Variants in ADGRB3 observed in about 807,000 individuals in gnomAD.
ADGRB3 encodes the protein brain-specific angiogenesis inhibitor 3.
A neutral mutation model predicts 193.4 loss-of-function variants in ADGRB3; 37 were observed. That is an observed-to-expected ratio of 0.19 (90% CI 0.15 to 0.25). ADGRB3 has a LOEUF of 0.25. ADGRB3 is among the 10% of genes least tolerant of loss of function. The pLI is 1.00. For synonymous variants in ADGRB3, 690 were observed against 644.2 expected (o/e 1.07, Z -1.08); for missense variants, 1,637 against 1,852.9 (o/e 0.88, Z 2.14).
intron 3 of ADGRB3, among the ~76,000 whole-genome samples, chr6:68,736,546 G>T (rs1765877184): frequency 6.6e-6 from 1 of 152,036 alleles, no homozygotes; most frequent in Non-Finnish European, 1.5e-5. Context: ...TTGAGAAAAA[G>T]ATCTCTGGAT....
intron 8 of ADGRB3, among the ~76,000 whole-genome samples, chr6:68,958,869 T>TA (rs780261172): frequency 0.13 from 11,175 of 86,826 alleles, 445 homozygotes; most frequent in Middle Eastern, 0.19. Context: ...CAAAGAAAAA[T>TA]AGTGTGTGTG....
intron 20 of ADGRB3, among the ~76,000 whole-genome samples, chr6:69,297,410 C>CTCTCTCTATA (rs1554192101): frequency 5.5e-5 from 7 of 128,306 alleles, no homozygotes; most frequent in African/African-American, 1.8e-4. Context: ...CTCTCTCTCT[C>CTCTCTCTATA]TATATATATA....
At chr6:68,940,088 T>A (rs181584531) in intron 5 of ADGRB3, among the ~76,000 whole-genome samples, 84 of 152,324 alleles carry the variant, frequency 5.5e-4, no homozygotes, top group Admixed American at 4.0e-3. Context: ...TCAATATGGA[T>A]CCTAAGGTAT....
intron 24 of ADGRB3, among the ~76,000 whole-genome samples, chr6:69,336,678 T>A (rs1768856488): frequency 6.6e-6 from 1 of 152,064 alleles, no homozygotes; most frequent in Non-Finnish European, 1.5e-5. Context: ...GGTATATTGG[T>A]TAAATTTAGA....
In ADGRB3 at chr6:69,351,693, T is replaced by C. The variant is rs536856130; in HGVS notation, c.3460-2540T>C. 1.2e-3 allele frequency among the ~76,000 whole-genome samples: 181 copies of C among 152,338 alleles called. 1 individual carries two copies. Among genetic ancestry groups the C allele is most frequent in the African/African-American group, 3.8e-3 (157 of 41,584 alleles). ...CATTTGGGAGTTTGGTAGTGAAAGG[T>C]ATTGATTTTATATGTGTGTGTGTTC... On this transcript the variant is annotated intron_variant, in intron 26 of 31. Coordinates refer to ENST00000370598, the MANE Select transcript of ADGRB3 (RefSeq NM_001704.3).
chr6:68,675,190 A>T (rs1207642538), intron 3 of ADGRB3, among the ~76,000 whole-genome samples: 1 of 152,162 alleles, frequency 6.6e-6, no homozygotes, highest in Admixed American at 6.5e-5. Context: ...TGGAAGTAAG[A>T]TATCCTCCAT....
At chr6:69,144,915 C>CTTTCTTT (rs1774442763) in intron 17 of ADGRB3, among the ~76,000 whole-genome samples, 1 of 148,256 alleles carries the variant, frequency 6.7e-6, no homozygotes, top group Admixed American at 6.8e-5. Context: ...TTCTTTCTTT[C>CTTTCTTT]TTTTTCTTTT....
intron 20 of ADGRB3, among the ~76,000 whole-genome samples, chr6:69,241,738 A>G (rs1766388324): frequency 6.6e-6 from 1 of 151,928 alleles, no homozygotes; most frequent in Non-Finnish European, 1.5e-5. Flanking sequence ...CTCCCCAAGT[A>G]ATTAACTACA....
At chr6:68,909,975 C>G (rs893134103) in intron 3 of ADGRB3, among the ~76,000 whole-genome samples, 1 of 152,304 alleles carries the variant, frequency 6.6e-6, no homozygotes, top group African/African-American at 2.4e-5. Context: ...CCTGAGGAAT[C>G]GCCACGCTGT....
chr6:69,171,071 T>C (rs771822739), intron 17 of ADGRB3, among the ~76,000 whole-genome samples: 13 of 152,212 alleles, frequency 8.5e-5, no homozygotes, highest in Non-Finnish European at 1.8e-4. Flanking sequence ...TTTAACCCAA[T>C]ATATCTAAAA....
At chr6:69,046,566 G>C (rs1053891994) in intron 13 of ADGRB3, among the ~76,000 whole-genome samples, 2 of 152,102 alleles carry the variant, frequency 1.3e-5, no homozygotes, top group Non-Finnish European at 2.9e-5. Flanking sequence ...GTGTTACCCA[G>C]TATCTTCTTT....
chr6:69,255,392 C>G (rs9354830), intron 20 of ADGRB3, among the ~76,000 whole-genome samples: 1 of 152,090 alleles, frequency 6.6e-6, no homozygotes, highest in African/African-American at 2.4e-5. Flanking sequence ...TTTTTAATGA[C>G]TGCCATTCTA....
intron 20 of ADGRB3, among the ~76,000 whole-genome samples, chr6:69,291,975 G>T (rs1767694674): frequency 6.6e-6 from 1 of 151,906 alleles, no homozygotes; most frequent in African/African-American, 2.4e-5. Context: ...GAAGATGAAG[G>T]GTCACAGAGA....
chr6:69,327,444 A>G (rs570619253), intron 21 of ADGRB3, among the ~76,000 whole-genome samples: 2 of 152,304 alleles, frequency 1.3e-5, no homozygotes, highest in African/African-American at 2.4e-5. Flanking sequence ...CTCCGATATT[A>G]CATCATACCA....
chr6:68,902,059 AC>A (rs1380210108), intron 3 of ADGRB3, among the ~76,000 whole-genome samples: 3 of 152,100 alleles, frequency 2.0e-5, no homozygotes, highest in Non-Finnish European at 4.4e-5. Flanking sequence ...CTCACTCCAA[AC>A]CTTTTATCAC....
intron 3 of ADGRB3, among the ~76,000 whole-genome samples, chr6:68,872,000 T>A (rs1180810712): frequency 6.6e-6 from 1 of 151,962 alleles, no homozygotes; most frequent in Non-Finnish European, 1.5e-5. Context: ...GTAACAAATA[T>A]TTTTTCATTG....
chr6:69,111,468 T>C (rs1773364286), intron 17 of ADGRB3, among the ~76,000 whole-genome samples: 1 of 152,236 alleles, frequency 6.6e-6, no homozygotes, highest in African/African-American at 2.4e-5. Context: ...CCTGTCATTA[T>C]TTTATGACCT....
intron 17 of ADGRB3, among the ~76,000 whole-genome samples, chr6:69,158,592 A>T (rs947353502): frequency 7.2e-5 from 11 of 152,158 alleles, no homozygotes; most frequent in African/African-American, 2.4e-4. Context: ...AATAAATTTT[A>T]TTTCAAATGT....
chr6:69,361,827 AAAATAAAT>A (rs1011553343), intron 29 of ADGRB3, among the ~76,000 whole-genome samples: 1 of 151,628 alleles, frequency 6.6e-6, no homozygotes, highest in South Asian at 2.1e-4. Context: ...AAAATAAAAT[AAAATAAAT>A]AAATAAATAA....
Sources: allele counts gnomAD v4.1 joint callset (sites outside exome capture counted in the v4.1 genomes callset), GRCh38; gene constraint gnomAD v4.1.1; transcripts MANE v1.5; gene names NCBI Gene and HGNC (gene_info 2026-07-23, HGNC 2026-07-21).